CLIC5: variants seen among roughly 807,000 people sequenced by gnomAD.
CLIC5 encodes chloride intracellular channel protein 5.
A neutral mutation model predicts 24.7 loss-of-function variants in CLIC5; 20 were observed. That is an observed-to-expected ratio of 0.81 (90% CI 0.57 to 1.18). The LOEUF (loss-of-function observed/expected upper bound fraction) is 1.18, where lower values mean the gene tolerates loss of function less well. Ranked by LOEUF, CLIC5 falls within the 50% of genes most tolerant of loss-of-function variation. The probability of loss-of-function intolerance (pLI) is 0.00; values close to 1 mark genes in which losing one functional copy is unlikely to be tolerated. For synonymous variants in CLIC5, 159 were observed against 135.6 expected, an observed-to-expected ratio of 1.17 and a Z score of -1.20; for missense variants, 341 against 326.1, an observed-to-expected ratio of 1.05 and a Z score of -0.35.
chr6:46,000,714 A>G (rs1766324024), intron 1 of CLIC5, among the ~76,000 whole-genome samples: 1 of 152,200 alleles, frequency 6.6e-6, no homozygotes, highest in Non-Finnish European at 1.5e-5. Context: ...CCAGACACTT[A>G]TGAAACCATC....
chr6:46,026,485 C>A (rs1767335768), intron 1 of CLIC5, among the ~76,000 whole-genome samples: 1 of 152,092 alleles, frequency 6.6e-6, no homozygotes, highest in African/African-American at 2.4e-5. Flanking sequence ...CCGTTTTTGT[C>A]ATGTACTTTA....
chr6:45,956,805 C>T (rs922521953), intron 1 of CLIC5, among the ~76,000 whole-genome samples: 6 of 152,154 alleles, frequency 3.9e-5, no homozygotes, highest in African/African-American at 1.4e-4. Context: ...TGGAAGCAGA[C>T]CCACCCCTGA....
At chr6:45,920,027 C>T in intron 4 of CLIC5, 2 of 271,686 alleles carry the variant, frequency 7.4e-6, no homozygotes, top group South Asian at 1.4e-4. Flanking sequence ...TGTCCCATCA[C>T]TCCTTGGGTA....
At chr6:46,078,640 C>T (rs1762837977) in intron 1 of CLIC5, among the ~76,000 whole-genome samples, 2 of 152,186 alleles carry the variant, frequency 1.3e-5, no homozygotes, top group African/African-American at 4.8e-5. Flanking sequence ...TCTTGCACAG[C>T]CCTTTCCCCC....
intron 1 of CLIC5, among the ~76,000 whole-genome samples, chr6:46,038,839 C>G (rs1292564506): frequency 6.6e-6 from 1 of 152,144 alleles, no homozygotes; most frequent in Non-Finnish European, 1.5e-5. Context: ...AACTATTTAT[C>G]TTCCTAGATG....
the CLIC5 span, among the ~76,000 whole-genome samples, chr6:46,097,947 T>C: frequency 6.6e-6 from 1 of 152,196 alleles, no homozygotes; most frequent in Admixed American, 6.5e-5. Flanking sequence ...CACGTCTTCT[T>C]ACTGGGTCTC....
chr6:45,886,956 G>C (rs188654668), intron 6 of CLIC5, among the ~76,000 whole-genome samples: 174 of 152,320 alleles, frequency 1.1e-3, no homozygotes, highest in Non-Finnish European at 2.0e-3. Flanking sequence ...GATCTGGAAT[G>C]TTTCTAGATG....
intron 1 of CLIC5, among the ~76,000 whole-genome samples, chr6:46,060,454 G>T (rs997610539): frequency 6.6e-6 from 1 of 152,152 alleles, no homozygotes; most frequent in African/African-American, 2.4e-5. Context: ...GCTAATAGTT[G>T]TATGGTGCTT....
At chr6:45,993,709 T>C (rs1029509074) in intron 1 of CLIC5, among the ~76,000 whole-genome samples, 9 of 152,146 alleles carry the variant, frequency 5.9e-5, no homozygotes, top group African/African-American at 1.9e-4. Context: ...CCTTTTTAAA[T>C]AAAACTGTAA....
At chr6:46,121,709 T>C in the CLIC5 span, among the ~76,000 whole-genome samples, 1 of 152,098 alleles carries the variant, frequency 6.6e-6, no homozygotes, top group African/African-American at 2.4e-5. Context: ...GAGACACACA[T>C]AGGCTCAAAA....
intron 1 of CLIC5, among the ~76,000 whole-genome samples, chr6:46,048,288 C>A (rs1412196663): frequency 6.6e-6 from 1 of 152,172 alleles, no homozygotes; most frequent in East Asian, 1.9e-4. Context: ...CAGGCATGAG[C>A]CACTGCTCCC....
chr6:46,083,534 C>G, upstream of CLIC5, among the ~76,000 whole-genome samples: 1 of 151,494 alleles, frequency 6.6e-6, no homozygotes. Context: ...CATTATGTAC[C>G]CAGTAGTCAT....
chr6:45,924,815 T>G (rs9381411), intron 4 of CLIC5, among the ~76,000 whole-genome samples: 1 of 151,880 alleles, frequency 6.6e-6, no homozygotes, highest in Non-Finnish European at 1.5e-5. Context: ...AAAATACTCA[T>G]CTTCCTAGAT....
At position 45,937,436 on chromosome 6, in the gene CLIC5, G is replaced by A. The variant is rs148056622; in HGVS notation, c.406+4111C>T. On this transcript the variant is annotated intron_variant, in intron 4 of 5. Coordinates refer to ENST00000339561, the MANE Select transcript of CLIC5 (RefSeq NM_016929.5). The stretch of plus-strand genomic sequence containing the variant: ...GCCAGATAAAGAAACTGAATGTAAA[G>A]TCCATTTTACAGATGCAGAGCCAGA... The A allele has an allele frequency of 1.7e-3, 262 of 152,366 alleles. 1 individual carries two copies. Among genetic ancestry groups the A allele is most frequent in the African/African-American group, 6.0e-3 (250 of 41,590 alleles). The allele number at this position is 152,366 out of a possible 1,614,324, so 9.4% of individuals were successfully genotyped here. A position where few individuals can be genotyped will look rare whatever the true frequency, so the allele number is the denominator to read the frequency against.
chr6:46,029,096 C>T (rs1767426547), intron 1 of CLIC5, among the ~76,000 whole-genome samples: 1 of 152,098 alleles, frequency 6.6e-6, no homozygotes, highest in Admixed American at 6.5e-5. Flanking sequence ...AATTCTTTAA[C>T]TTAGTAATAT....
intron 6 of CLIC5, among the ~76,000 whole-genome samples, chr6:45,885,723 C>G (rs1021223932): frequency 5.9e-5 from 9 of 152,170 alleles, no homozygotes; most frequent in African/African-American, 2.2e-4. Flanking sequence ...GAGAAAGTGG[C>G]CCTCTCATTC....
chr6:45,952,125 G>A (rs1764491061), intron 2 of CLIC5, among the ~76,000 whole-genome samples: 1 of 152,112 alleles, frequency 6.6e-6, no homozygotes, highest in Non-Finnish European at 1.5e-5. Flanking sequence ...GTGTGGTGGT[G>A]GTGATGGTGG....
the CLIC5 span, among the ~76,000 whole-genome samples, chr6:46,108,624 C>G: frequency 1.3e-5 from 2 of 152,084 alleles, no homozygotes; most frequent in African/African-American, 4.8e-5. Flanking sequence ...GTCTTGTACT[C>G]CTGACTAAGG....
At chr6:45,957,500 C>A (rs1184356775) in intron 1 of CLIC5, among the ~76,000 whole-genome samples, 1 of 152,024 alleles carries the variant, frequency 6.6e-6, no homozygotes, top group African/African-American at 2.4e-5. Flanking sequence ...GCCTGAGGGT[C>A]CAGCCAGGTA....
Sources: allele counts gnomAD v4.1 joint callset (sites outside exome capture counted in the v4.1 genomes callset), GRCh38; gene constraint gnomAD v4.1.1; transcripts MANE v1.5; gene names NCBI Gene and HGNC (gene_info 2026-07-23, HGNC 2026-07-21).